SOX5: variants seen among roughly 807,000 people sequenced by gnomAD.
SOX5 encodes the protein transcription factor SOX-5.
Under a neutral mutation model 92.0 loss-of-function variants are expected in SOX5, and 9 were observed. The observed-to-expected ratio is 0.10, with a 90% CI of 0.06 to 0.17. The LOEUF (loss-of-function observed/expected upper bound fraction) is 0.17. Among genes scored for constraint, SOX5 ranks in the 10% least tolerant of loss-of-function variants. The pLI, the probability that SOX5 is intolerant of heterozygous loss-of-function variation, is 1.00. For synonymous variants in SOX5, 344 were observed against 336.3 expected, an observed-to-expected ratio of 1.02 and a Z score of -0.25; for missense variants, 642 against 944.5, an observed-to-expected ratio of 0.68 and a Z score of 4.20.
In SOX5 at chr12:23,563,261, T is replaced by C; in HGVS notation, c.1485A>G (p.Glu495=). 1 of 1,609,790 alleles carries C rather than the reference T, an allele frequency of 6.2e-7. No homozygotes were observed. The highest frequency in any genetic ancestry group is 8.5e-7 in the Non-Finnish European group (1 of 1,178,194). ...NSLGLNNCRT[E]KEKTTLESLT... Reference sequence around the variant, plus strand: ...GTAAGTTATTTTATGAACTGACCTTTTCTGTTCGGCAGTTATTGAGACCCA... The same window carrying C: ...GTAAGTTATTTTATGAACTGACCTTCTCTGTTCGGCAGTTATTGAGACCCA... The change falls in exon 11 of 15, where the codon GAA becomes GAG. Residue 495 remains glutamate, a synonymous_variant. Transcript: ENST00000451604.
At chr12:23,804,914 T>TA (rs1246529789) in intron 3 of SOX5, among the ~76,000 whole-genome samples, 7 of 104,384 alleles carry the variant, frequency 6.7e-5, no homozygotes, top group East Asian at 5.4e-4. Context: ...CTATCATTGT[T>TA]TTATATATAT....
intron 2 of SOX5, among the ~76,000 whole-genome samples, chr12:23,857,552 A>T (rs2096706323): frequency 6.6e-6 from 1 of 152,172 alleles, no homozygotes; most frequent in Non-Finnish European, 1.5e-5. Context: ...ATTTTTGTTC[A>T]CATTCCAGAG....
chr12:23,654,055 A>G (rs2082010346), intron 7 of SOX5, among the ~76,000 whole-genome samples: 2 of 152,186 alleles, frequency 1.3e-5, no homozygotes, highest in South Asian at 4.2e-4. Context: ...GAAAAACCAT[A>G]TTATAAGACA....
chr12:23,608,641 C>T (rs975169301), intron 8 of SOX5, among the ~76,000 whole-genome samples: 4 of 152,104 alleles, frequency 2.6e-5, no homozygotes, highest in Non-Finnish European at 4.4e-5. Flanking sequence ...CTAATTGCAA[C>T]TCTAAGCCAT....
chr12:24,290,059 G>T (rs920693668), intron 2 of SOX5, among the ~76,000 whole-genome samples: 54 of 152,078 alleles, frequency 3.6e-4, no homozygotes, highest in Non-Finnish European at 7.5e-4. Flanking sequence ...CTTTGTCTGC[G>T]ATCCAAAAGT....
chr12:24,541,054 C>T (rs1437587322), intron 1 of SOX5, among the ~76,000 whole-genome samples: 1 of 152,182 alleles, frequency 6.6e-6, no homozygotes, highest in Admixed American at 6.5e-5. Context: ...CAACAAGCCC[C>T]AGTCTGTAGG....
At chr12:23,631,860 T>A (rs1448602785) in intron 8 of SOX5, among the ~76,000 whole-genome samples, 1 of 152,088 alleles carries the variant, frequency 6.6e-6, no homozygotes, top group Non-Finnish European at 1.5e-5. Context: ...AAAAAGACAC[T>A]GTGTGTACTG....
chr12:23,873,284 A>C (rs2096893875), intron 2 of SOX5, among the ~76,000 whole-genome samples: 2 of 145,920 alleles, frequency 1.4e-5, no homozygotes. Flanking sequence ...CGGCCTGGGC[A>C]ACATGGAGAA....
At chr12:23,902,032 T>C (rs1463578300) in intron 1 of SOX5, among the ~76,000 whole-genome samples, 1 of 152,222 alleles carries the variant, frequency 6.6e-6, no homozygotes, top group Non-Finnish European at 1.5e-5. Context: ...TTAAAAATGT[T>C]ATCTTTATTT....
intron 6 of SOX5, among the ~76,000 whole-genome samples, chr12:23,676,667 G>A (rs868370040): frequency 6.6e-6 from 1 of 152,230 alleles, no homozygotes; most frequent in Non-Finnish European, 1.5e-5. Context: ...TGAAGACATG[G>A]AGGAAGTCAG....
chr12:23,726,867 C>T (rs1015361017), intron 6 of SOX5, among the ~76,000 whole-genome samples: 6 of 152,094 alleles, frequency 3.9e-5, no homozygotes, highest in South Asian at 2.1e-4. Flanking sequence ...TGCTGAAGCC[C>T]GCTGGTTCTG....
At chr12:24,552,388 CCA>C (rs1200364045) in intron 1 of SOX5, among the ~76,000 whole-genome samples, 2 of 152,152 alleles carry the variant, frequency 1.3e-5, no homozygotes, top group Non-Finnish European at 2.9e-5. Context: ...AAAAGAATCA[CCA>C]GTCACACTTG....
chr12:23,703,397 G>A (rs532786433), intron 6 of SOX5, among the ~76,000 whole-genome samples: 1 of 151,984 alleles, frequency 6.6e-6, no homozygotes, highest in East Asian at 1.9e-4. Context: ...TGTCACATAA[G>A]AACAATACTT....
At chr12:24,488,059 C>G (rs7955482) in intron 1 of SOX5, among the ~76,000 whole-genome samples, 1,885 of 152,196 alleles carry the variant, frequency 0.012, 33 homozygotes, top group African/African-American at 0.042. Context: ...AAAATTAAAA[C>G]AGTTTTTCAT....
chr12:23,758,279 CA>C (rs1271436131), intron 3 of SOX5, among the ~76,000 whole-genome samples: 3 of 151,624 alleles, frequency 2.0e-5, no homozygotes, highest in Non-Finnish European at 4.4e-5. Context: ...GATCATGTAA[CA>C]TCCATGTTAC....
At chr12:23,715,809 CAAAAAAAA>C (rs35450544) in intron 6 of SOX5, among the ~76,000 whole-genome samples, 1 of 72,822 alleles carries the variant, frequency 1.4e-5, no homozygotes, top group Non-Finnish European at 2.7e-5. Flanking sequence ...AGTAATTTCC[CAAAAAAAA>C]AAAAAAAAAA....
At chr12:23,975,393 T>G (rs556035533) in intron 4 of SOX5, among the ~76,000 whole-genome samples, 102 of 152,196 alleles carry the variant, frequency 6.7e-4, no homozygotes, top group Non-Finnish European at 1.3e-3. Context: ...ACAAAATCAT[T>G]GAATAGGGTC....
At chr12:24,432,887 T>C (rs1470592276) in intron 1 of SOX5, among the ~76,000 whole-genome samples, 1 of 152,218 alleles carries the variant, frequency 6.6e-6, no homozygotes, top group African/African-American at 2.4e-5. Context: ...ATCCAACTCT[T>C]ATTTTTTTAA....
chr12:23,840,971 A>G (rs1224439647), intron 3 of SOX5, among the ~76,000 whole-genome samples: 3 of 152,142 alleles, frequency 2.0e-5, no homozygotes, highest in Non-Finnish European at 4.4e-5. Flanking sequence ...AATCCATGCA[A>G]AACAATTAAT....
Sources: allele counts gnomAD v4.1 joint callset (sites outside exome capture counted in the v4.1 genomes callset), GRCh38; gene constraint gnomAD v4.1.1; transcripts MANE v1.5; gene names NCBI Gene and HGNC (gene_info 2026-07-23, HGNC 2026-07-21).